The following PKHD1 variants were observed in gnomAD, a reference collection of about 807,000 sequenced individuals.
The protein encoded by PKHD1 is PKHD1 ciliary IPT domain containing fibrocystin/polyductin.
In PKHD1, 291 loss-of-function variants were observed where a neutral mutation model predicts 412.0. The ratio of observed to expected loss-of-function variants is 0.71; its 90% CI spans 0.64 to 0.78. The LOEUF is 0.78. Among genes scored for constraint, PKHD1 ranks in the 30% least tolerant of loss-of-function variants. The pLI is 0.00. For missense variants in PKHD1, 4,825 were observed against 4,950.7 expected, an observed-to-expected ratio of 0.97 and a Z score of 0.76; for synonymous variants, 1,777 against 1,821.5, an observed-to-expected ratio of 0.98 and a Z score of 0.62.
At chr6:51,887,045 T>C (rs1778318463) in intron 44 of PKHD1, 88 bp downstream of exon 44, 1 of 856,596 alleles carries the variant, frequency 1.2e-6, no homozygotes, top group Middle Eastern at 2.2e-4. Context: ...CTCCAACAAA[T>C]GCCCAAAGTG....
Position 51,766,089 on chromosome 6 carries a change from C to T in PKHD1, c.8642+6613G>A, listed in dbSNP as rs536938071. On this transcript the variant is annotated intron_variant, in intron 55 of 66. Transcript: ENST00000371117. ...AATTTTACATTTACTATTTGATTAA[C>T]GTTTGAGTTTTTACTTAATATTATA... 9.3e-4 allele frequency among the ~76,000 whole-genome samples: 141 copies of T among 152,210 alleles called. 1 individual carries two copies. The highest frequency in any genetic ancestry group is 2.3e-3 in the Admixed American group (35 of 15,274).
Position 52,053,557 on chromosome 6 carries a change from G to A in PKHD1, c.1965-306C>T, listed in dbSNP as rs540061046. On this transcript the variant is annotated intron_variant, in intron 20 of 66. Coordinates refer to ENST00000371117, the MANE Select transcript of PKHD1 (RefSeq NM_138694.4). ...GTGTGTCTTAAGCAAATTATAATGT[G>A]AGGCTGTAACCACAGAGAAGATTGA... 2.0e-5 allele frequency among the ~76,000 whole-genome samples: 3 copies of A among 152,312 alleles called. No individual in the cohort carries two copies. In the South Asian group the frequency reaches 6.2e-4, roughly 32 times the overall value.
intron 60 of PKHD1, among the ~76,000 whole-genome samples, chr6:51,730,208 A>G (rs985882831): frequency 2.0e-5 from 3 of 152,222 alleles, no homozygotes; most frequent in African/African-American, 7.2e-5. Flanking sequence ...AATATTCTTT[A>G]AGAAGTTTTA....
chr6:52,012,642 G>T (rs148665213), intron 34 of PKHD1, among the ~76,000 whole-genome samples: 1 of 152,174 alleles, frequency 6.6e-6, no homozygotes, highest in Admixed American at 6.5e-5. Context: ...CAAAATTCAC[G>T]CAGACTTTTA....
At chr6:51,896,516 A>C (rs2127590673) in intron 43 of PKHD1, among the ~76,000 whole-genome samples, 1 of 152,030 alleles carries the variant, frequency 6.6e-6, no homozygotes, top group South Asian at 2.1e-4. Context: ...CCATCTGTAC[A>C]TCACCATCAT....
In PKHD1 at chr6:51,976,944, T is replaced by TAAA. The variant is rs10671492; in HGVS notation, c.5752-16921_5752-16919dup. 6.1e-3 allele frequency among the ~76,000 whole-genome samples: 566 copies of TAAA among 93,502 alleles called. 12 individuals carry two copies. Among genetic ancestry groups the TAAA allele is most frequent in the South Asian group, 9.4e-3 (23 of 2,456 alleles). 61.3% of individuals were successfully genotyped at this position (93,502 alleles called of 152,430 possible). ...GCCTGGGTGATAGAGTGAGACTCCA[T>TAAA]AAAAAAAAAAAAAAAAAAAACCTGA... On this transcript the variant is annotated intron_variant, in intron 35 of 66. Transcript: ENST00000371117.
At chr6:51,725,991 C>T (rs528784319) in intron 60 of PKHD1, among the ~76,000 whole-genome samples, 5 of 152,248 alleles carry the variant, frequency 3.3e-5, no homozygotes, top group African/African-American at 1.2e-4. Flanking sequence ...GAAAAACAAC[C>T]CCCATTTTAG....
At chr6:51,820,524 A>G (rs1766223098) in intron 52 of PKHD1, among the ~76,000 whole-genome samples, 1 of 152,208 alleles carries the variant, frequency 6.6e-6, no homozygotes, top group Non-Finnish European at 1.5e-5. Flanking sequence ...AGCATATTAT[A>G]TCACATTTTA....
chr6:51,698,767 T>C (rs575078064), intron 60 of PKHD1, among the ~76,000 whole-genome samples: 64 of 152,336 alleles, frequency 4.2e-4, no homozygotes, highest in Middle Eastern at 6.8e-3. Flanking sequence ...TATGCTATTA[T>C]ATTAATTAAT....
Position 51,799,602 on chromosome 6 carries a change from C to T in PKHD1, c.8303-8229G>A, listed in dbSNP as rs370788833. Among the ~76,000 whole-genome samples, 119 of 152,250 alleles carry T rather than the reference C, an allele frequency of 7.8e-4. 1 individual carries two copies. Among genetic ancestry groups the T allele is most frequent in the African/African-American group, 2.7e-3 (114 of 41,544 alleles). ...TGCCATATAGAGATTTTTATAAAGG[C>T]ATTCTCCTTGTATCACAATAATAAA... On this transcript the variant is annotated intron_variant, in intron 52 of 66. Coordinates refer to ENST00000371117, the MANE Select transcript of PKHD1 (RefSeq NM_138694.4).
At chr6:52,012,050 G>A (rs1033959814) in intron 34 of PKHD1, among the ~76,000 whole-genome samples, 2 of 152,202 alleles carry the variant, frequency 1.3e-5, no homozygotes. Flanking sequence ...ATGATTTTCT[G>A]AGGAGCACTG....
chr6:51,963,824 G>A (rs570042709), intron 35 of PKHD1, among the ~76,000 whole-genome samples: 6 of 152,190 alleles, frequency 3.9e-5, no homozygotes, highest in Admixed American at 6.5e-5. Context: ...GCCATGTTCC[G>A]TGTCAACAGC....
chr6:51,948,773 T>C (rs1380418165), intron 36 of PKHD1, among the ~76,000 whole-genome samples: 1 of 152,064 alleles, frequency 6.6e-6, no homozygotes, highest in African/African-American at 2.4e-5. Flanking sequence ...CTGTCAACCA[T>C]CAACATTTAA....
chr6:51,809,394 T>C (rs1373358340), intron 52 of PKHD1, among the ~76,000 whole-genome samples: 2 of 152,058 alleles, frequency 1.3e-5, no homozygotes. Flanking sequence ...CTGGACTCTA[T>C]TTTGTCTCAT....
intron 61 of PKHD1, among the ~76,000 whole-genome samples, chr6:51,649,583 C>T (rs941154801): frequency 2.0e-5 from 3 of 152,094 alleles, no homozygotes; most frequent in Non-Finnish European, 2.9e-5. Context: ...GACATGGACA[C>T]GTCCAATAGT....
At chr6:51,776,295 A>G (rs907491689) in intron 53 of PKHD1, among the ~76,000 whole-genome samples, 1 of 151,646 alleles carries the variant, frequency 6.6e-6, no homozygotes, top group African/African-American at 2.4e-5. Flanking sequence ...GTTTTGTTTT[A>G]TTTCATTTTT....
At chr6:52,022,563 G>A (rs1277288959) in intron 33 of PKHD1, among the ~76,000 whole-genome samples, 2 of 152,066 alleles carry the variant, frequency 1.3e-5, no homozygotes, top group Non-Finnish European at 1.5e-5. Flanking sequence ...GGTGATAAGT[G>A]TTTCAATATT....
intron 60 of PKHD1, among the ~76,000 whole-genome samples, chr6:51,741,717 T>C (rs1784579947): frequency 6.6e-6 from 1 of 152,228 alleles, no homozygotes; most frequent in African/African-American, 2.4e-5. Flanking sequence ...TTTCCTAGGA[T>C]ACTTCCTCAT....
chr6:51,839,403 GAC>G (rs965812049), intron 50 of PKHD1, among the ~76,000 whole-genome samples: 1 of 151,722 alleles, frequency 6.6e-6, no homozygotes, highest in Non-Finnish European at 1.5e-5. Flanking sequence ...TGCTCAAAAA[GAC>G]AAAAAAAAAG....
Sources: allele counts gnomAD v4.1 joint callset (sites outside exome capture counted in the v4.1 genomes callset), GRCh38; gene constraint gnomAD v4.1.1; transcripts MANE v1.5; gene names NCBI Gene and HGNC (gene_info 2026-07-23, HGNC 2026-07-21).